NUPR2: variants seen among roughly 807,000 people sequenced by gnomAD.
The protein encoded by NUPR2 is nuclear protein 2.
Under a neutral mutation model 7.3 loss-of-function variants are expected in NUPR2, and 14 were observed. The ratio of observed to expected loss-of-function variants is 1.93; its 90% CI spans 1.27 to 3.01. NUPR2 has a LOEUF of 3.01. Ranked by LOEUF, NUPR2 falls within the 30% of genes most tolerant of loss-of-function variation. The probability of loss-of-function intolerance (pLI) is 0.00; values close to 1 mark genes in which losing one functional copy is unlikely to be tolerated. For synonymous variants in NUPR2, 56 were observed against 59.7 expected (o/e 0.94, Z 0.29); for missense variants, 162 against 143.7 (o/e 1.13, Z -0.65).
At chr7:56,115,880 G>A in intron 1 of NUPR2, 135 bp downstream of exon 1, 1 of 671,270 alleles carries the variant, frequency 1.5e-6, no homozygotes, top group Non-Finnish European at 2.3e-6. Context: ...AAGAGGCCAA[G>A]CTGGCGGGTG....
rs1584650851 is a variant in NUPR2, at chr7:56,116,173, T to G, written c.142A>C (p.Ser48Arg). The G allele has an allele frequency of 6.5e-7, 1 of 1,548,310 alleles. No individual in the cohort carries two copies. The highest frequency in any genetic ancestry group is 8.7e-7 in the Non-Finnish European group (1 of 1,145,782). Residue 48 changes from serine to arginine, a missense_variant, in exon 1 of 2, where the codon AGC becomes CGC. Transcript: ENST00000329309. ...RDFPACGAGR[S>R]KGRTRREQAL... is the part of the protein sequence containing the mutation. ...TGCTCGCGCCGAGTCCGGCCCTTGC[T>G]GCGCCCTGCCCCGCAGGCCGGGAAG...
At chr7:56,115,773 G>A (rs1415373958) in intron 1 of NUPR2, among the ~76,000 whole-genome samples, 1 of 151,194 alleles carries the variant, frequency 6.6e-6, no homozygotes, top group African/African-American at 2.4e-5. Context: ...CCCAGGCATC[G>A]ATCGCTTATA....
Position 56,116,404 on chromosome 7 carries a change from C to T in NUPR2, c.-90G>A, listed in dbSNP as rs1584651052. On this transcript the variant is annotated 5_prime_UTR_variant, in exon 1 of 2. Coordinates refer to ENST00000329309, the MANE Select transcript of NUPR2 (RefSeq NM_001145712.2). ...CAGCCCCGCCTCGAGTTCCGATGGG[C>T]TCCGCGTGAAGGTGGGGGTGCCTTC... 6.8e-6 allele frequency: 5 copies of T among 738,700 alleles called. No individual in the cohort carries two copies. The highest frequency in any genetic ancestry group is 9.9e-6 in the Non-Finnish European group (5 of 505,050). 45.8% of individuals were successfully genotyped at this position (738,700 alleles called of 1,614,324 possible). A position where few individuals can be genotyped will look rare whatever the true frequency, so the allele number is the denominator to read the frequency against.
intron 1 of NUPR2, among the ~76,000 whole-genome samples, chr7:56,115,459 G>T: frequency 2.9e-5 from 1 of 34,622 alleles, no homozygotes; most frequent in Non-Finnish European, 5.2e-5. Context: ...GTGTGTGTGT[G>T]TGTGTGTGTG....
In NUPR2 at chr7:56,116,266, G is replaced by C; in HGVS notation, c.49C>G (p.Arg17Gly). 6.5e-7 allele frequency: 1 copy of C among 1,532,818 alleles called. No individual in the cohort carries two copies. Among genetic ancestry groups the C allele is most frequent in the Non-Finnish European group, 8.8e-7 (1 of 1,139,680 alleles). The allele number at this position is 1,532,818 out of a possible 1,614,324, so 95.0% of individuals were successfully genotyped here. A position where few individuals can be genotyped will look rare whatever the true frequency, so the allele number is the denominator to read the frequency against. ...TCGTAGCTTATGGGTGGCGGCGGCCGAGCCAGAGCCTGCAGACGTGGAAGC... is the reference window on the plus strand; with the variant it reads ...TCGTAGCTTATGGGTGGCGGCGGCCCAGCCAGAGCCTGCAGACGTGGAAGC... The part of the protein sequence containing the change: ...RALPRLQALA[R>G]PPPPISYEEE... The change falls in exon 1 of 2, where the codon CGG becomes GGG. Residue 17 changes from arginine (R) to glycine (G), a missense_variant. Transcript: ENST00000329309.
chr7:56,116,179 C>G lies in NUPR2; in HGVS notation c.136G>C (p.Gly46Arg). The change falls in exon 1 of 2, where the codon GGG becomes CGG. Residue 46 changes from glycine to arginine, a missense_variant. Gly to Arg is a moderately radical substitution (Grantham distance 125, BLOSUM62 -2). Transcript: ENST00000329309. ...YLRDFPACGA[G>R]RSKGRTRREQ... ...CGCCGAGTCCGGCCCTTGCTGCGCC[C>G]TGCCCCGCAGGCCGGGAAGTCGCGC... is the stretch of plus-strand genomic sequence containing the variant. 5.2e-6 allele frequency: 8 copies of G among 1,548,852 alleles called. No homozygotes were observed. The highest frequency in any genetic ancestry group is 7.0e-6 in the Non-Finnish European group (8 of 1,145,960).
At position 56,116,183 on chromosome 7, in the gene NUPR2, C is replaced by T. The variant is rs958595809; in HGVS notation, c.132G>A (p.Gly44=). ...GAGTCCGGCCCTTGCTGCGCCCTGC[C>T]CCGCAGGCCGGGAAGTCGCGCAGGT... ...YYYLRDFPAC[G]AGRSKGRTRR... Residue 44 remains glycine, a synonymous_variant, in exon 1 of 2, where the codon GGG becomes GGA. Coordinates refer to ENST00000329309, the MANE Select transcript of NUPR2 (RefSeq NM_001145712.2). 9.0e-6 allele frequency: 14 copies of T among 1,548,772 alleles called. No homozygotes were observed. The highest frequency in any genetic ancestry group is 1.2e-5 in the South Asian group (1 of 83,922).
Position 56,115,602 on chromosome 7 carries a change from C to T in NUPR2, c.*6+413G>A, listed in dbSNP as rs1422511775. On this transcript the variant is annotated intron_variant, in intron 1 of 1. Transcript: ENST00000329309. ...TCCCAAGTAGCTGGGACTACAGGCG[C>T]GCACCACAGTGCCTGGCTAATTTTA... Among the ~76,000 whole-genome samples, 6 of 120,196 alleles carry T rather than the reference C, an allele frequency of 5.0e-5. No individual in the cohort carries two copies. In the South Asian group the frequency reaches 1.3e-3, roughly 26 times the overall value. The allele number at this position is 120,196 out of a possible 152,430, so 78.9% of individuals were successfully genotyped here. A position where few individuals can be genotyped will look rare whatever the true frequency, so the allele number is the denominator to read the frequency against.
chr7:56,115,423 A>C (rs867246475), intron 1 of NUPR2, among the ~76,000 whole-genome samples: 1 of 37,772 alleles, frequency 2.6e-5, no homozygotes. Flanking sequence ...ATATATATAT[A>C]TATATTTGTG....
At chr7:56,115,415 A>ACACATATGTG (rs60601611) in intron 1 of NUPR2, among the ~76,000 whole-genome samples, 4 of 52,210 alleles carry the variant, frequency 7.7e-5, no homozygotes, top group East Asian at 9.5e-4. Context: ...ATATATATAT[A>ACACATATGTG]TATATATATA....
chr7:56,116,223 C>A lies in NUPR2; in HGVS notation c.92G>T (p.Cys31Phe). 6.5e-7 allele frequency: 1 copy of A among 1,547,650 alleles called. No homozygotes were observed. Among genetic ancestry groups the A allele is most frequent in the Non-Finnish European group, 8.7e-7 (1 of 1,145,584 alleles). Residue 31 changes from cysteine (C) to phenylalanine (F), a missense_variant, in exon 1 of 2, where the codon TGC becomes TTC. Physicochemically the swap from Cys to Phe is radical, Grantham distance 205 (BLOSUM62 -2). Coordinates refer to ENST00000329309, the MANE Select transcript of NUPR2 (RefSeq NM_001145712.2). Reference sequence around the variant, plus strand: ...GTCGCGCAGGTAGTAGTAGTCCAGGCAGTCGTAAAGCTCCTCCTCGTAGCT... The same window carrying A: ...GTCGCGCAGGTAGTAGTAGTCCAGGAAGTCGTAAAGCTCCTCCTCGTAGCT... ...PISYEEELYD[C>F]LDYYYLRDFP... is the part of the protein sequence containing the mutation.
At chr7:56,115,429 T>TATTTTTG (rs1554376538) in intron 1 of NUPR2, among the ~76,000 whole-genome samples, 1 of 30,988 alleles carries the variant, frequency 3.2e-5, no homozygotes, top group Non-Finnish European at 5.4e-5. Flanking sequence ...ATATATATAT[T>TATTTTTG]TGTGTGTGTG....
Position 56,116,392 on chromosome 7 carries a change from A to G in NUPR2, c.-78T>C. 2 of 823,076 alleles carry G rather than the reference A, an allele frequency of 2.4e-6. No homozygotes were observed. Among genetic ancestry groups the G allele is most frequent in the Non-Finnish European group, 3.5e-6 (2 of 578,874 alleles). The allele number at this position is 823,076 out of a possible 1,614,324, so 51.0% of individuals were successfully genotyped here. A position where few individuals can be genotyped will look rare whatever the true frequency, so the allele number is the denominator to read the frequency against. The stretch of plus-strand genomic sequence containing the variant: ...TGGAAGACCCAGCAGCCCCGCCTCG[A>G]GTTCCGATGGGCTCCGCGTGAAGGT... On this transcript the variant is annotated 5_prime_UTR_variant, in exon 1 of 2. Coordinates refer to ENST00000329309, the MANE Select transcript of NUPR2 (RefSeq NM_001145712.2).
chr7:56,115,647 A>ATATATG (rs1562892026), intron 1 of NUPR2, among the ~76,000 whole-genome samples: 1 of 119,290 alleles, frequency 8.4e-6, no homozygotes. Flanking sequence ...ATATATATAT[A>ATATATG]TTTTAGTAGA....
Position 56,116,202 on chromosome 7 carries a change from C to G in NUPR2, c.113G>C (p.Arg38Pro). 3 of 1,548,812 alleles carry G rather than the reference C, an allele frequency of 1.9e-6. No homozygotes were observed. The highest frequency in any genetic ancestry group is 2.6e-6 in the Non-Finnish European group (3 of 1,145,936). ...CCCTGCCCCGCAGGCCGGGAAGTCG[C>G]GCAGGTAGTAGTAGTCCAGGCAGTC... The part of the protein sequence containing the change: ...LYDCLDYYYL[R>P]DFPACGAGRS... Residue 38 changes from arginine (R) to proline (P), a missense_variant, in exon 1 of 2, where the codon CGC becomes CCC. Transcript: ENST00000329309.
Position 56,114,741 on chromosome 7 carries a change from C to T in NUPR2, c.*163G>A, listed in dbSNP as rs1181261124. 6.6e-6 allele frequency: 1 copy of T among 151,898 alleles called. No homozygotes were observed. The highest frequency in any genetic ancestry group is 1.5e-5 in the Non-Finnish European group (1 of 67,966). The allele number at this position is 151,898 out of a possible 1,614,324, so 9.4% of individuals were successfully genotyped here. The stretch of plus-strand genomic sequence containing the variant: ...CTAAAAAGGCTAATCCACTTGGGCA[C>T]TACTTAATTAACAATCAATTAGTAA... On this transcript the variant is annotated 3_prime_UTR_variant, in exon 2 of 2. Coordinates refer to ENST00000329309, the MANE Select transcript of NUPR2 (RefSeq NM_001145712.2).
Position 56,115,988 on chromosome 7 carries a change from G to A in NUPR2, c.*6+27C>T, listed in dbSNP as rs994878291. The A allele has an allele frequency of 2.1e-6, 3 of 1,434,122 alleles. No homozygotes were observed. The Admixed American group carries it at 7.6e-5, about 36-fold the overall frequency. The allele number at this position is 1,434,122 out of a possible 1,614,324, so 88.8% of individuals were successfully genotyped here. A position where few individuals can be genotyped will look rare whatever the true frequency, so the allele number is the denominator to read the frequency against. ...CGCTCCTAGGGTCCCCGGGGCACTG[G>A]TTGGGGGAGGTGTTGGGCGCACGTA... is the stretch of plus-strand genomic sequence containing the variant. On this transcript the variant is annotated intron_variant, in intron 1 of 1. Transcript: ENST00000329309.
At chr7:56,115,992 G>T (rs1432886853) in intron 1 of NUPR2, 23 bp downstream of exon 1, 11 of 1,437,650 alleles carry the variant, frequency 7.7e-6, no homozygotes, top group Non-Finnish European at 8.2e-6. Context: ...GCACTGGTTG[G>T]GGGAGGTGTT....
Position 56,116,233 on chromosome 7 carries a change from G to A in NUPR2, c.82C>T (p.Leu28Phe). 1 of 1,545,734 alleles carries A rather than the reference G, an allele frequency of 6.5e-7. No homozygotes were observed. Among genetic ancestry groups the A allele is most frequent in the Non-Finnish European group, 8.7e-7 (1 of 1,144,844 alleles). ...PPPPISYEEE[L>F]YDCLDYYYLR... ...TAGTAGTAGTCCAGGCAGTCGTAAA[G>A]CTCCTCCTCGTAGCTTATGGGTGGC... Residue 28 changes from leucine (L) to phenylalanine (F), a missense_variant, in exon 1 of 2, where the codon CTT becomes TTT. Transcript: ENST00000329309.
Sources: allele counts gnomAD v4.1 joint callset (sites outside exome capture counted in the v4.1 genomes callset), GRCh38; gene constraint gnomAD v4.1.1; transcripts MANE v1.5; gene names NCBI Gene and HGNC (gene_info 2026-07-23, HGNC 2026-07-21).